Variants in SETD5 observed in about 807,000 individuals in gnomAD.
The protein encoded by SETD5 is histone-lysine N-methyltransferase SETD5.
SETD5 carries 44 observed loss-of-function variants against 153.3 expected under a neutral mutation model. The observed-to-expected ratio is 0.29, with a 90% CI of 0.23 to 0.37. SETD5 has a LOEUF of 0.37. Among genes scored for constraint, SETD5 ranks in the 10% least tolerant of loss-of-function variants. The pLI is 1.00. For synonymous variants in SETD5, 716 were observed against 645.2 expected, an observed-to-expected ratio of 1.11 and a Z score of -1.66; for missense variants, 1,544 against 1,768.0, an observed-to-expected ratio of 0.87 and a Z score of 2.27.
intron 16 of SETD5, among the ~76,000 whole-genome samples, chr3:9,449,066 C>G (rs2042335632): frequency 6.6e-6 from 1 of 152,202 alleles, no homozygotes; most frequent in Non-Finnish European, 1.5e-5. Flanking sequence ...TGAATCAATT[C>G]AACCGTTATT....
At chr3:9,472,349 A>G (rs2045397702) in intron 19 of SETD5, among the ~76,000 whole-genome samples, 1 of 152,110 alleles carries the variant, frequency 6.6e-6, no homozygotes, top group African/African-American at 2.4e-5. Flanking sequence ...AATAGGTTCT[A>G]CGGCCTGTGT....
intron 18 of SETD5, among the ~76,000 whole-genome samples, chr3:9,468,987 G>A (rs2125560428): frequency 6.6e-6 from 1 of 152,210 alleles, no homozygotes; most frequent in South Asian, 2.1e-4. Flanking sequence ...TTTTTGAGTT[G>A]GGTGGTGACT....
intron 1 of SETD5, among the ~76,000 whole-genome samples, chr3:9,410,759 A>G (rs1462124237): frequency 6.6e-6 from 1 of 152,030 alleles, no homozygotes; most frequent in African/African-American, 2.4e-5. Flanking sequence ...TCACTAACTA[A>G]TATTTTTACA....
At chr3:9,446,299 A>AG (rs2041996179) in intron 13 of SETD5, among the ~76,000 whole-genome samples, 1 of 136,288 alleles carries the variant, frequency 7.3e-6, no homozygotes, top group South Asian at 2.5e-4. Context: ...AAAAAAAAAA[A>AG]AAAAAAAAAT....
chr3:9,403,110 C>T (rs1340272689), intron 1 of SETD5, among the ~76,000 whole-genome samples: 1 of 152,090 alleles, frequency 6.6e-6, no homozygotes, highest in Non-Finnish European at 1.5e-5. Context: ...GTTCTTTTCC[C>T]TGGGAGATTA....
chr3:9,408,437 G>T (rs2036063470), intron 1 of SETD5, among the ~76,000 whole-genome samples: 1 of 152,150 alleles, frequency 6.6e-6, no homozygotes, highest in Admixed American at 6.5e-5. Flanking sequence ...TAAACTGTTA[G>T]TTTAAAAGGT....
intron 1 of SETD5, among the ~76,000 whole-genome samples, chr3:9,417,626 C>T (rs1407383007): frequency 1.3e-5 from 2 of 151,576 alleles, no homozygotes; most frequent in Non-Finnish European, 2.9e-5. Flanking sequence ...GCTGAGACTA[C>T]AGGCGCCCAC....
chr3:9,416,564 A>G (rs2037504249), intron 1 of SETD5, among the ~76,000 whole-genome samples: 1 of 152,228 alleles, frequency 6.6e-6, no homozygotes, highest in Admixed American at 6.5e-5. Flanking sequence ...AATAACCACA[A>G]GTGTATAATT....
intron 18 of SETD5, chr3:9,468,541 C>A (rs1184106167): frequency 7.7e-7 from 1 of 1,304,164 alleles, no homozygotes; most frequent in African/African-American, 1.5e-5. Context: ...CCTGAGAGTT[C>A]CCCTGCGCAT....
Position 9,470,718 on chromosome 3 carries a change from G to T in SETD5, c.2984G>T (p.Arg995Leu). The change falls in exon 19 of 23, where the codon CGA (arginine) becomes CTA (leucine). Residue 995 changes from arginine (R) to leucine (L), a missense_variant. Coordinates refer to ENST00000402198, the MANE Select transcript of SETD5 (RefSeq NM_001080517.3). Reference sequence around the variant, plus strand: ...TACTCCCCTTTGAATGCTATGCCTCGAGCAGATGGACTGTATCGAGGATCT... The same window carrying T: ...TACTCCCCTTTGAATGCTATGCCTCTAGCAGATGGACTGTATCGAGGATCT... Reference protein sequence around the residue: ...YAYSPLNAMPRADGLYRGSPL... With the variant: ...YAYSPLNAMPLADGLYRGSPL... 6.2e-7 allele frequency: 1 copy of T among 1,613,982 alleles called. No homozygotes were observed. The highest frequency in any genetic ancestry group is 1.1e-5 in the South Asian group (1 of 91,070).
At chr3:9,453,935 G>T in intron 17 of SETD5, 67 bp downstream of exon 17, 1 of 1,429,558 alleles carries the variant, frequency 7.0e-7, no homozygotes, top group Admixed American at 3.0e-5. Context: ...AAAAATTTAA[G>T]TATGAGTATT....
At chr3:9,466,220 G>A (rs1388987009) in intron 18 of SETD5, among the ~76,000 whole-genome samples, 1 of 150,410 alleles carries the variant, frequency 6.6e-6, no homozygotes, top group Admixed American at 6.6e-5. Context: ...CCCGGGAGGC[G>A]GAGCTTGCAG....
chr3:9,443,565 T>C (rs1325331010), intron 11 of SETD5, 148 bp downstream of exon 11: 5 of 479,122 alleles, frequency 1.0e-5, no homozygotes, highest in Non-Finnish European at 1.0e-5. Context: ...CTAGAAATTG[T>C]AAAGGAAAAG....
intron 17 of SETD5, among the ~76,000 whole-genome samples, chr3:9,459,046 C>A (rs1351345370): frequency 6.6e-6 from 1 of 152,080 alleles, no homozygotes; most frequent in Non-Finnish European, 1.5e-5. Context: ...TCGACAAACT[C>A]TTGGAAAATA....
rs540685337 is a variant in SETD5 at position 9,400,081 on chromosome 3, C to T, written c.-177+2104C>T. Among the ~76,000 whole-genome samples the T allele has an allele frequency of 2.0e-5, 3 of 152,324 alleles. No individual in the cohort carries two copies. In the South Asian group the frequency reaches 6.2e-4, roughly 32 times the overall value. On this transcript the variant is annotated intron_variant, in intron 1 of 22. Coordinates refer to ENST00000402198, the MANE Select transcript of SETD5 (RefSeq NM_001080517.3). ...GGCTGCTTCAGGACTAAGAAGAAAC[C>T]TTGCTTTTCTGGGAATTTTCACTGC...
chr3:9,419,518 A>G (rs1310361180), intron 1 of SETD5, among the ~76,000 whole-genome samples: 1 of 152,138 alleles, frequency 6.6e-6, no homozygotes, highest in South Asian at 2.1e-4. Context: ...GTGAGCTGTG[A>G]TTGCACCAAA....
chr3:9,444,534 TTTC>T (rs1427854656), intron 11 of SETD5, among the ~76,000 whole-genome samples: 51 of 150,084 alleles, frequency 3.4e-4, no homozygotes, highest in African/African-American at 1.2e-3. Flanking sequence ...TAGGGAGGGC[TTTC>T]TTTTTTTTTT....
In SETD5 at chr3:9,477,626, AC is replaced by A. The variant is rs1423194935; in HGVS notation, c.*1536del. Reference sequence around the variant, plus strand: ...TCTTCTCTCTTTGTGTGTGACTGTTACAAAATTTCACTTTTCAAAATCGAAA... The same window carrying A: ...TCTTCTCTCTTTGTGTGTGACTGTTAAAAATTTCACTTTTCAAAATCGAAA... On this transcript the variant is annotated 3_prime_UTR_variant, in exon 23 of 23. Transcript: ENST00000402198. 1.3e-5 allele frequency: 2 copies of A among 151,620 alleles called. No individual in the cohort carries two copies. The allele number at this position is 151,620 out of a possible 1,614,324, so 9.4% of individuals were successfully genotyped here.
At chr3:9,426,504 C>A (rs1297584341) in intron 2 of SETD5, among the ~76,000 whole-genome samples, 1 of 151,722 alleles carries the variant, frequency 6.6e-6, no homozygotes, top group East Asian at 1.9e-4. Flanking sequence ...TCAAGAGATT[C>A]TCCTGCCTCA....
Sources: allele counts gnomAD v4.1 joint callset (sites outside exome capture counted in the v4.1 genomes callset), GRCh38; gene constraint gnomAD v4.1.1; transcripts MANE v1.5; gene names NCBI Gene and HGNC (gene_info 2026-07-23, HGNC 2026-07-21).